Variants in BAZ2B observed in about 807,000 individuals in gnomAD.
BAZ2B encodes the protein bromodomain adjacent to zinc finger domain 2B.
In BAZ2B, 91 loss-of-function variants were observed where a neutral mutation model predicts 246.0. The ratio of observed to expected loss-of-function variants is 0.37; its 90% confidence interval spans 0.31 to 0.44. BAZ2B has a LOEUF of 0.44. Among genes scored for constraint, BAZ2B ranks in the 20% least tolerant of loss-of-function variants. The pLI, the probability that BAZ2B is intolerant of heterozygous loss-of-function variation, is 1.00. For synonymous variants in BAZ2B, 855 were observed against 860.0 expected, an observed-to-expected ratio of 0.99 and a Z score of 0.10; for missense variants, 2,332 against 2,533.7, an observed-to-expected ratio of 0.92 and a Z score of 1.71.
the BAZ2B span, among the ~76,000 whole-genome samples, chr2:159,645,649 C>A: frequency 7.2e-5 from 11 of 152,120 alleles, no homozygotes; most frequent in East Asian, 2.1e-3. Context: ...GGGAAATCTG[C>A]CCCCGATAGT....
In BAZ2B at chr2:159,337,786, GAA is replaced by G; in HGVS notation, c.5455-16_5455-15del. 1 of 1,606,512 alleles carries G rather than the reference GAA, an allele frequency of 6.2e-7. No individual in the cohort carries two copies. Among genetic ancestry groups the G allele is most frequent in the East Asian group, 2.2e-5 (1 of 44,738 alleles). On this transcript the variant is annotated splice_polypyrimidine_tract_variant and intron_variant, in intron 31 of 36. Transcript: ENST00000392783. ...ACACATCCAACCCTATATATCAAGAGAATAGTGTTATTATGGTTTCCTCTTAA... is the reference window on the plus strand; with the variant it reads ...ACACATCCAACCCTATATATCAAGAGTAGTGTTATTATGGTTTCCTCTTAA...
intron 2 of BAZ2B, among the ~76,000 whole-genome samples, chr2:159,548,748 A>G (rs1424630417): frequency 2.6e-5 from 4 of 152,274 alleles, no homozygotes. Context: ...CCAGTGAGCT[A>G]TGATTGTGCC....
chr2:159,452,687 G>A (rs572023907), intron 4 of BAZ2B, among the ~76,000 whole-genome samples: 1 of 152,120 alleles, frequency 6.6e-6, no homozygotes, highest in Admixed American at 6.6e-5. Flanking sequence ...CACGTTTGTC[G>A]AAAGTTTTAA....
At chr2:159,469,348 C>T (rs1053455994) in intron 3 of BAZ2B, among the ~76,000 whole-genome samples, 24 of 152,096 alleles carry the variant, frequency 1.6e-4, no homozygotes, top group African/African-American at 5.1e-4. Context: ...ACGAAATGAA[C>T]GAATTCCTTG....
At chr2:159,681,862 T>G in the BAZ2B span, among the ~76,000 whole-genome samples, 1 of 152,076 alleles carries the variant, frequency 6.6e-6, no homozygotes. Flanking sequence ...GAGGTGGAGG[T>G]TGCAGTGAGC....
the BAZ2B span, among the ~76,000 whole-genome samples, chr2:159,640,059 T>C: frequency 2.0e-5 from 3 of 152,056 alleles, no homozygotes; most frequent in Non-Finnish European, 4.4e-5. Context: ...AATAGCTATA[T>C]TGACATAGAC....
At chr2:159,429,615 G>C (rs1474284641) in intron 10 of BAZ2B, among the ~76,000 whole-genome samples, 1 of 152,078 alleles carries the variant, frequency 6.6e-6, no homozygotes, top group Non-Finnish European at 1.5e-5. Flanking sequence ...TTTGAAAATA[G>C]GAGTTTTTGG....
the BAZ2B span, among the ~76,000 whole-genome samples, chr2:159,650,199 CT>C: frequency 4.1e-3 from 556 of 135,880 alleles, 1 homozygote; most frequent in African/African-American, 4.7e-3. Context: ...CAATTTTAGT[CT>C]TTTTTTTTTT....
At chr2:159,331,889 G>A (rs534051851) in intron 34 of BAZ2B, among the ~76,000 whole-genome samples, 67 of 152,270 alleles carry the variant, frequency 4.4e-4, no homozygotes, top group Non-Finnish European at 8.8e-4. Context: ...CATGAAGTGG[G>A]AGAGCAACAG....
chr2:159,350,458 T>TAA, intron 27 of BAZ2B, 101 bp from the exon 28 acceptor site: 1 of 1,165,556 alleles, frequency 8.6e-7, no homozygotes, highest in Non-Finnish European at 1.2e-6. Flanking sequence ...CATAAATACT[T>TAA]AAACTTTTCT....
intron 27 of BAZ2B, among the ~76,000 whole-genome samples, chr2:159,351,252 G>C (rs1160761484): frequency 2.6e-5 from 4 of 151,938 alleles, no homozygotes. Context: ...AACTGCTAGA[G>C]GGTTTTATTG....
the BAZ2B span, chr2:159,690,282 G>A: frequency 2.2e-5 from 7 of 315,592 alleles, no homozygotes; most frequent in Admixed American, 2.4e-4. Flanking sequence ...GCTCCCTTCT[G>A]CCACCTTTCA....
rs187326968 is a variant in BAZ2B at position 159,485,851 on chromosome 2, T to C, written c.-2-7130A>G. Among the ~76,000 whole-genome samples, 222 of 152,236 alleles carry C rather than the reference T, an allele frequency of 1.5e-3. 5 individuals carry two copies. The highest frequency in any genetic ancestry group is 1.3e-4 in the Non-Finnish European group (9 of 67,942). ...ATCATGTTAAATTATAGATTTCTGT[T>C]AAATCTTTTAAAGATTTACTCTTGT... On this transcript the variant is annotated intron_variant, in intron 2 of 36. Coordinates refer to ENST00000392783, the MANE Select transcript of BAZ2B (RefSeq NM_013450.4).
intron 2 of BAZ2B, among the ~76,000 whole-genome samples, chr2:159,531,416 C>T (rs1361099370): frequency 6.6e-6 from 1 of 152,092 alleles, no homozygotes; most frequent in Non-Finnish European, 1.5e-5. Flanking sequence ...TAGAAATGCA[C>T]ATTCTCTTAA....
At chr2:159,347,884 T>C (rs761129709) in intron 30 of BAZ2B, among the ~76,000 whole-genome samples, 8 of 152,202 alleles carry the variant, frequency 5.3e-5, no homozygotes, top group Non-Finnish European at 1.2e-4. Flanking sequence ...TTAAAAAATA[T>C]AAATAGTTTG....
the BAZ2B span, among the ~76,000 whole-genome samples, chr2:159,683,310 G>A: frequency 6.6e-6 from 1 of 152,062 alleles, no homozygotes; most frequent in Non-Finnish European, 1.5e-5. Flanking sequence ...CAAACTCTCA[G>A]ACTGGTATCA....
intron 1 of BAZ2B, among the ~76,000 whole-genome samples, chr2:159,585,267 A>C (rs553441049): frequency 2.6e-5 from 4 of 152,342 alleles, no homozygotes; most frequent in South Asian, 2.1e-4. Flanking sequence ...TCAAGAAGAC[A>C]AGAAGACAAT....
chr2:159,362,497 C>G (rs530652448), intron 27 of BAZ2B, among the ~76,000 whole-genome samples: 87 of 152,128 alleles, frequency 5.7e-4, no homozygotes, highest in Non-Finnish European at 1.1e-3. Flanking sequence ...ATTATGGAGG[C>G]TGGGAATCCT....
rs1025674972 is a variant in BAZ2B at position 159,320,347 on chromosome 2, T to C, written c.6425A>G (p.Asp2142Gly). ...GCCAGCTCTGCCTATATCAGAATCA[T>C]CTTCATTAAATGTTTCACAGTTGTC... The part of the protein sequence containing the change: ...VFDNCETFNE[D>G]DSDIGRAGHN... Residue 2142 changes from aspartate to glycine, a missense_variant, in exon 37 of 37, where the codon GAT (aspartate) becomes GGT (glycine). Physicochemically the swap from Asp to Gly is moderately conservative, Grantham distance 94. Around this residue, in one of 9 missense-constraint regions of BAZ2B, gnomAD observed 210 missense variants for 232.5 expected, o/e 0.90. Coordinates refer to ENST00000392783, the MANE Select transcript of BAZ2B (RefSeq NM_013450.4). 1 of 1,584,624 alleles carries C rather than the reference T, an allele frequency of 6.3e-7. No homozygotes were observed. The highest frequency in any genetic ancestry group is 8.5e-7 in the Non-Finnish European group (1 of 1,172,450).
Sources: gnomAD v4.1 joint callset for allele counts (sites outside exome capture counted in the v4.1 genomes callset) on GRCh38, gnomAD v4.1.1 for gene constraint, gnomAD v4.1.1 regional missense constraint, MANE v1.5 for transcripts, NCBI Gene and HGNC (gene_info 2026-07-23, HGNC 2026-07-21) for gene names.